Variants in ITFG1 observed in about 807,000 individuals in gnomAD.
ITFG1 encodes the protein integrin alpha FG-GAP repeat containing 1.
Under a neutral mutation model 81.8 loss-of-function variants are expected in ITFG1, and 34 were observed. That is an observed-to-expected ratio of 0.42 (90% CI 0.32 to 0.55). The LOEUF is 0.55. Among genes scored for constraint, ITFG1 ranks in the 20% least tolerant of loss-of-function variants. The pLI is 0.17. For synonymous variants in ITFG1, 285 were observed against 270.6 expected (o/e 1.05, Z -0.52); for missense variants, 672 against 755.4 (o/e 0.89, Z 1.29).
At chr16:47,421,753 T>C (rs1968953116) in intron 6 of ITFG1, among the ~76,000 whole-genome samples, 1 of 152,214 alleles carries the variant, frequency 6.6e-6, no homozygotes, top group African/African-American at 2.4e-5. Flanking sequence ...TAGGTATACA[T>C]GTGCCATGTT....
intron 6 of ITFG1, among the ~76,000 whole-genome samples, chr16:47,421,746 G>A (rs1968953070): frequency 6.6e-6 from 1 of 152,068 alleles, no homozygotes; most frequent in African/African-American, 2.4e-5. Flanking sequence ...TGTTACATAG[G>A]TATACATGTG....
chr16:47,174,562 C>T (rs1397991629), intron 14 of ITFG1, among the ~76,000 whole-genome samples: 1 of 152,020 alleles, frequency 6.6e-6, no homozygotes, highest in African/African-American at 2.4e-5. Flanking sequence ...TCTGTCTTGC[C>T]CAGGCTGGAG....
At chr16:47,347,776 T>C (rs550655775) in intron 8 of ITFG1, among the ~76,000 whole-genome samples, 3 of 152,272 alleles carry the variant, frequency 2.0e-5, no homozygotes, top group Non-Finnish European at 1.5e-5. Context: ...CCAAGTAGCC[T>C]ATCTGGGAGG....
chr16:47,389,361 G>A (rs1046319170), intron 6 of ITFG1, among the ~76,000 whole-genome samples: 1 of 152,014 alleles, frequency 6.6e-6, no homozygotes, highest in Non-Finnish European at 1.5e-5. Flanking sequence ...GTATATAATT[G>A]TATCACTAGG....
At chr16:47,288,691 G>A (rs8063269) in intron 10 of ITFG1, among the ~76,000 whole-genome samples, 7,472 of 152,154 alleles carry the variant, frequency 0.049, 255 homozygotes, top group Middle Eastern at 0.1. Flanking sequence ...TTGAGCTCAG[G>A]AGTTCGAGAC....
At chr16:47,327,889 T>G (rs934537159) in intron 8 of ITFG1, among the ~76,000 whole-genome samples, 1 of 152,182 alleles carries the variant, frequency 6.6e-6, no homozygotes, top group African/African-American at 2.4e-5. Context: ...TGTAAACTAG[T>G]TCAACCATTG....
At chr16:47,380,440 G>T (rs1369675878) in intron 6 of ITFG1, among the ~76,000 whole-genome samples, 1 of 152,208 alleles carries the variant, frequency 6.6e-6, no homozygotes, top group Non-Finnish European at 1.5e-5. Context: ...ACGCCAAAAA[G>T]TAAGGTTAAA....
chr16:47,452,659 G>A (rs955161897), intron 4 of ITFG1, 74 bp downstream of exon 4: 3 of 929,902 alleles, frequency 3.2e-6, no homozygotes, highest in South Asian at 3.1e-5. Flanking sequence ...ACTAAGCAAA[G>A]TAGTTTCCTA....
chr16:47,165,002 ATTTCCAGAGTTCTGAAATGGTGGATATT>A (rs1357628335), intron 14 of ITFG1, among the ~76,000 whole-genome samples: 1 of 152,206 alleles, frequency 6.6e-6, no homozygotes, highest in Non-Finnish European at 1.5e-5. Context: ...GCTTTGGTTA[ATTTCCAGAGTTCTGAAATGGTGGATATT>A]ATATGGTTGG....
chr16:47,423,761 T>G (rs1359151119), intron 6 of ITFG1, among the ~76,000 whole-genome samples: 1 of 152,186 alleles, frequency 6.6e-6, no homozygotes, highest in Admixed American at 6.5e-5. Flanking sequence ...TGGCCCACAC[T>G]CTCTTCTGGC....
chr16:47,240,155 G>C (rs1965916948), intron 12 of ITFG1, among the ~76,000 whole-genome samples: 1 of 150,924 alleles, frequency 6.6e-6, no homozygotes, highest in Non-Finnish European at 1.5e-5. Flanking sequence ...AAATTAGCCA[G>C]ATGTGGTGAC....
chr16:47,377,419 G>A (rs369778253), intron 6 of ITFG1, among the ~76,000 whole-genome samples: 2 of 152,036 alleles, frequency 1.3e-5, no homozygotes, highest in East Asian at 1.9e-4. Context: ...CAAGATGAAG[G>A]GCAAATACCT....
At chr16:47,435,601 T>C (rs1388770214) in intron 5 of ITFG1, among the ~76,000 whole-genome samples, 2 of 152,260 alleles carry the variant, frequency 1.3e-5, no homozygotes, top group Non-Finnish European at 2.9e-5. Flanking sequence ...CTGTTCTTCA[T>C]ATGACTGCTA....
At position 47,260,692 on chromosome 16, in the gene ITFG1, G is replaced by T; in HGVS notation, c.1074C>A (p.Asn358Lys). The T allele has an allele frequency of 6.2e-7, 1 of 1,614,128 alleles. No individual in the cohort carries two copies. Among genetic ancestry groups the T allele is most frequent in the Non-Finnish European group, 8.5e-7 (1 of 1,179,996 alleles). Residue 358 changes from asparagine (N) to lysine (K), a missense_variant, in exon 11 of 18, where the codon AAC becomes AAA. Transcript: ENST00000320640. ...CGTTCTCCAGTAAAAAGGCCTGCTG[G>T]TTGCTGTGCGCCAAAGGAAAGGCAT... ...LVILKNTSGS[N>K]QQAFLLENVP...
chr16:47,204,679 C>T (rs1965470505), intron 14 of ITFG1, among the ~76,000 whole-genome samples: 1 of 152,176 alleles, frequency 6.6e-6, no homozygotes, highest in Non-Finnish European at 1.5e-5. Flanking sequence ...AGCTGAATGC[C>T]TGGGTCCCTT....
At chr16:47,269,116 G>A (rs772609880) in intron 10 of ITFG1, among the ~76,000 whole-genome samples, 4 of 152,082 alleles carry the variant, frequency 2.6e-5, no homozygotes, top group Admixed American at 6.6e-5. Context: ...GCAAGAATGC[G>A]TGCTTTCACC....
intron 6 of ITFG1, among the ~76,000 whole-genome samples, chr16:47,426,553 T>C (rs1969023561): frequency 6.7e-6 from 1 of 149,012 alleles, no homozygotes; most frequent in Non-Finnish European, 1.5e-5. Context: ...AAATAATATG[T>C]TTTCTTTTCT....
chr16:47,460,894 G>T lies in ITFG1; in HGVS notation c.152C>A (p.Ala51Glu). 1 of 1,613,594 alleles carries T rather than the reference G, an allele frequency of 6.2e-7. No homozygotes were observed. Among genetic ancestry groups the T allele is most frequent in the South Asian group, 1.1e-5 (1 of 91,040 alleles). ...LFGAEAWGTL[A>E]AFGDLNSDKQ... ...GTCGGAGTTGAGGTCCCCGAAAGCC[G>T]CAAGGGTGCCCCAGGCCTCGGCCCC... Residue 51 changes from alanine to glutamate, a missense_variant, in exon 1 of 18, where the codon GCG becomes GAG. By Grantham distance (107) the Ala-to-Glu change is moderately radical (BLOSUM62 -1). Coordinates refer to ENST00000320640, the MANE Select transcript of ITFG1 (RefSeq NM_030790.5).
chr16:47,330,695 T>C (rs1295593856), intron 8 of ITFG1, among the ~76,000 whole-genome samples: 1 of 152,092 alleles, frequency 6.6e-6, no homozygotes, highest in South Asian at 2.1e-4. Flanking sequence ...AAAGAAGACA[T>C]ACGAGCAGCC....
Sources: gnomAD v4.1 joint callset for allele counts (sites outside exome capture counted in the v4.1 genomes callset) on GRCh38, gnomAD v4.1.1 for gene constraint, MANE v1.5 for transcripts, NCBI Gene and HGNC (gene_info 2026-07-23, HGNC 2026-07-21) for gene names.